LEKR1: variants seen among roughly 807,000 people sequenced by gnomAD.
LEKR1 encodes the protein leucine, glutamate and lysine rich 1, also known as protein LEKR1.
LEKR1 carries 59 observed loss-of-function variants against 72.4 expected under a neutral mutation model. The observed-to-expected ratio is 0.82, with a 90% CI of 0.66 to 1.01. The LOEUF (loss-of-function observed/expected upper bound fraction) is 1.01. Ranked by LOEUF, LEKR1 falls within the 50% of genes least tolerant of loss-of-function variation. The pLI is 0.00. For missense variants in LEKR1, 728 were observed against 759.2 expected, an observed-to-expected ratio of 0.96 and a Z score of 0.48; for synonymous variants, 257 against 263.2, an observed-to-expected ratio of 0.98 and a Z score of 0.23.
intron 12 of LEKR1, among the ~76,000 whole-genome samples, chr3:157,041,136 C>G (rs1735312119): frequency 6.6e-6 from 1 of 151,896 alleles, no homozygotes; most frequent in Admixed American, 6.6e-5. Flanking sequence ...TATTTTAAGC[C>G]CATTCAAGGT....
intron 3 of LEKR1, among the ~76,000 whole-genome samples, chr3:156,870,505 A>G (rs1003688956): frequency 1.4e-4 from 22 of 152,104 alleles, no homozygotes; most frequent in African/African-American, 3.4e-4. Context: ...TTATTGGTAT[A>G]TAGAAACATT....
At chr3:157,038,711 G>A (rs1735137413) in intron 12 of LEKR1, among the ~76,000 whole-genome samples, 1 of 152,142 alleles carries the variant, frequency 6.6e-6, no homozygotes, top group Admixed American at 6.6e-5. Flanking sequence ...ATATAGACAG[G>A]CCCACAGTCC....
chr3:157,007,861 A>T (rs1427433292), intron 9 of LEKR1, among the ~76,000 whole-genome samples: 1 of 152,196 alleles, frequency 6.6e-6, no homozygotes, highest in Non-Finnish European at 1.5e-5. Context: ...TTTCTAAAAT[A>T]AAGTAAAACA....
chr3:156,999,364 A>G (rs944406130), intron 9 of LEKR1, among the ~76,000 whole-genome samples: 4 of 151,322 alleles, frequency 2.6e-5, no homozygotes, highest in Non-Finnish European at 4.4e-5. Flanking sequence ...CTGCTTTCTC[A>G]TTTTCTTTCT....
chr3:156,968,104 C>T (rs1392242346), intron 6 of LEKR1, among the ~76,000 whole-genome samples: 5 of 152,060 alleles, frequency 3.3e-5, no homozygotes, highest in Non-Finnish European at 1.5e-5. Context: ...CAGGCCTGCC[C>T]TAAAAGAGCT....
At chr3:156,899,477 CAT>C (rs1560063921) in intron 3 of LEKR1, among the ~76,000 whole-genome samples, 4 of 78,286 alleles carry the variant, frequency 5.1e-5, no homozygotes, top group Non-Finnish European at 7.8e-5. Flanking sequence ...TGTATATATA[CAT>C]ACATACATAT....
intron 7 of LEKR1, among the ~76,000 whole-genome samples, chr3:156,989,084 C>G (rs1730947286): frequency 6.6e-6 from 1 of 152,186 alleles, no homozygotes; most frequent in Admixed American, 6.5e-5. Flanking sequence ...CCTGCCTTGG[C>G]TCCCAAAGTG....
intron 9 of LEKR1, among the ~76,000 whole-genome samples, chr3:156,995,472 T>G (rs1282035780): frequency 6.6e-6 from 1 of 152,150 alleles, no homozygotes; most frequent in Admixed American, 6.5e-5. Context: ...CTTTAGTCTA[T>G]CCAGAATATA....
chr3:156,858,376 A>C lies in LEKR1; in HGVS notation c.263+5394A>C, dbSNP rs532787633. 2.6e-5 allele frequency among the ~76,000 whole-genome samples: 4 copies of C among 152,256 alleles called. No individual in the cohort carries two copies. In the South Asian group the frequency reaches 8.3e-4, roughly 32 times the overall value. Reference sequence around the variant, plus strand: ...ATTAATCAAATATGTTCCTTTTTAAAATTTATATTTATCAGGCCAGGCGCG... The same window carrying C: ...ATTAATCAAATATGTTCCTTTTTAACATTTATATTTATCAGGCCAGGCGCG... On this transcript the variant is annotated intron_variant, in intron 3 of 12. Coordinates refer to ENST00000356539, the MANE Select transcript of LEKR1 (RefSeq NM_001004316.3).
At chr3:156,908,030 A>G (rs1274033784) in intron 3 of LEKR1, among the ~76,000 whole-genome samples, 1 of 152,028 alleles carries the variant, frequency 6.6e-6, no homozygotes, top group African/African-American at 2.4e-5. Flanking sequence ...GATGTTTACT[A>G]ATTATTGTGA....
intron 7 of LEKR1, among the ~76,000 whole-genome samples, chr3:156,985,300 T>A (rs1730578248): frequency 6.6e-6 from 1 of 152,234 alleles, no homozygotes; most frequent in Non-Finnish European, 1.5e-5. Flanking sequence ...CAGAATGGCA[T>A]CCCTGAGTAG....
At chr3:156,899,366 A>G (rs1471403572) in intron 3 of LEKR1, among the ~76,000 whole-genome samples, 1 of 126,758 alleles carries the variant, frequency 7.9e-6, no homozygotes, top group African/African-American at 3.0e-5. Context: ...ATATATACAT[A>G]TATACATATA....
At chr3:156,896,979 T>C (rs1008520195) in intron 3 of LEKR1, among the ~76,000 whole-genome samples, 5 of 152,164 alleles carry the variant, frequency 3.3e-5, no homozygotes, top group Non-Finnish European at 5.9e-5. Context: ...TTCTCATTTA[T>C]AAGTGGGAGC....
chr3:156,904,612 C>G (rs989636747), intron 3 of LEKR1, among the ~76,000 whole-genome samples: 1 of 150,818 alleles, frequency 6.6e-6, no homozygotes, highest in African/African-American at 2.4e-5. Context: ...ACACGCCACA[C>G]TACACCCAGC....
intron 9 of LEKR1, among the ~76,000 whole-genome samples, chr3:157,000,303 A>T (rs186279815): frequency 2.0e-5 from 3 of 152,346 alleles, no homozygotes; most frequent in Non-Finnish European, 2.9e-5. Context: ...TACTTATTTC[A>T]TTGAGGCTTG....
At chr3:157,001,673 C>A (rs1732024356) in intron 9 of LEKR1, among the ~76,000 whole-genome samples, 1 of 152,126 alleles carries the variant, frequency 6.6e-6, no homozygotes, top group Non-Finnish European at 1.5e-5. Context: ...ATGTCAATAG[C>A]CACACCTCCA....
At chr3:157,021,974 A>G (rs1052127597) in intron 10 of LEKR1, among the ~76,000 whole-genome samples, 6 of 152,002 alleles carry the variant, frequency 3.9e-5, no homozygotes, top group Non-Finnish European at 7.4e-5. Flanking sequence ...TTCTCCTTTC[A>G]TATATTCTTG....
intron 3 of LEKR1, among the ~76,000 whole-genome samples, chr3:156,867,475 GGCCA>G (rs1717444678): frequency 6.6e-6 from 1 of 151,976 alleles, no homozygotes; most frequent in Non-Finnish European, 1.5e-5. Context: ...AACTCTCTGA[GGCCA>G]TTCCCTTTTC....
intron 5 of LEKR1, among the ~76,000 whole-genome samples, chr3:156,928,117 C>T (rs1024054877): frequency 6.6e-6 from 1 of 151,884 alleles, no homozygotes; most frequent in Non-Finnish European, 1.5e-5. Flanking sequence ...AACAGTAAAA[C>T]AATCAGTGGT....
Sources: gnomAD v4.1 joint callset for allele counts (sites outside exome capture counted in the v4.1 genomes callset) on GRCh38, gnomAD v4.1.1 for gene constraint, MANE v1.5 for transcripts, NCBI Gene and HGNC (gene_info 2026-07-23, HGNC 2026-07-21) for gene names.